ANGPTL2: variants seen among roughly 807,000 people sequenced by gnomAD.
ANGPTL2 encodes angiopoietin like 2, also known as angiopoietin-related protein 2.
In ANGPTL2, 25 loss-of-function variants were observed where a neutral mutation model predicts 52.8. The ratio of observed to expected loss-of-function variants is 0.47; its 90% CI spans 0.35 to 0.66. ANGPTL2 has a LOEUF of 0.66. Ranked by LOEUF, ANGPTL2 falls within the 30% of genes least tolerant of loss-of-function variation. ANGPTL2 has a pLI of 0.01. For missense variants in ANGPTL2, 546 were observed against 656.9 expected (o/e 0.83, Z 1.84); for synonymous variants, 276 against 277.4 (o/e 1.00, Z 0.05).
intron 2 of ANGPTL2, among the ~76,000 whole-genome samples, chr9:127,096,629 C>G (rs1236897419): frequency 6.6e-6 from 1 of 152,196 alleles, no homozygotes; most frequent in African/African-American, 2.4e-5. Flanking sequence ...CCACCAAGGG[C>G]TCTTTTTAAA....
intron 2 of ANGPTL2, among the ~76,000 whole-genome samples, chr9:127,100,590 C>T (rs890486784): frequency 6.6e-6 from 1 of 152,170 alleles, no homozygotes; most frequent in Non-Finnish European, 1.5e-5. Flanking sequence ...GCCAGTTGTA[C>T]CCAAGGCTTC....
At chr9:127,094,889 C>G (rs2052929149) in intron 2 of ANGPTL2, among the ~76,000 whole-genome samples, 1 of 152,186 alleles carries the variant, frequency 6.6e-6, no homozygotes, top group Non-Finnish European at 1.5e-5. Context: ...TTAGCCCTCC[C>G]CACCCCTGCC....
Position 127,107,927 on chromosome 9 carries a change from C to G in ANGPTL2, c.805G>C (p.Asp269His). 1 of 1,531,832 alleles carries G rather than the reference C, an allele frequency of 6.5e-7. No homozygotes were observed. 94.9% of individuals were successfully genotyped at this position (1,531,832 alleles called of 1,614,324 possible). A position where few individuals can be genotyped will look rare whatever the true frequency, so the allele number is the denominator to read the frequency against. ...CAGAAGCACTTACCCGACGGCTTGT[C>G]GGTGGAAGATGGGAGGCTGGTGAGA... ...PTLTSLPSSTDKPSGPWRDCL... is the reference protein window; with the variant it reads ...PTLTSLPSSTHKPSGPWRDCL... The change falls in exon 2 of 5, where the codon GAC (aspartate) becomes CAC (histidine). Residue 269 changes from aspartate to histidine, a missense_variant. Around this residue, in one of 2 missense-constraint regions of ANGPTL2, gnomAD observed 261 missense variants for 361.0 expected, o/e 0.72. Transcript: ENST00000373425.
intron 1 of ANGPTL2, among the ~76,000 whole-genome samples, chr9:127,111,663 C>T (rs910290377): frequency 6.6e-6 from 1 of 152,216 alleles, no homozygotes; most frequent in African/African-American, 2.4e-5. Context: ...CTGGACTAAA[C>T]ATTTTGCAAG....
At chr9:127,092,127 A>G (rs569409295) in intron 3 of ANGPTL2, among the ~76,000 whole-genome samples, 187 bp from the exon 4 acceptor site, 2 of 152,350 alleles carry the variant, frequency 1.3e-5, no homozygotes, top group South Asian at 4.1e-4. Context: ...AAAAATATGT[A>G]GAGTGCCTAC....
intron 2 of ANGPTL2, among the ~76,000 whole-genome samples, chr9:127,104,796 A>T (rs576593270): frequency 3.3e-5 from 5 of 152,368 alleles, no homozygotes; most frequent in African/African-American, 1.2e-4. Context: ...AAAGGTTTGG[A>T]AGCTGCCAAG....
chr9:127,108,814 TC>T, intron 1 of ANGPTL2, 34 bp from the exon 2 acceptor site: 1 of 1,387,942 alleles, frequency 7.2e-7, no homozygotes. Context: ...TCAGTGATGG[TC>T]CCACCACTGT....
intron 1 of ANGPTL2, 77 bp from the exon 2 acceptor site, chr9:127,108,857 T>G (rs974310632): frequency 9.3e-7 from 1 of 1,072,576 alleles, no homozygotes; most frequent in Non-Finnish European, 1.3e-6. Context: ...ATCCCAGCCT[T>G]CTCGCCAGGC....
At chr9:127,116,191 G>C (rs1217051915) in intron 1 of ANGPTL2, among the ~76,000 whole-genome samples, 2 of 152,186 alleles carry the variant, frequency 1.3e-5, no homozygotes, top group African/African-American at 4.8e-5. Flanking sequence ...TTTGCCTGGA[G>C]GAGTAGCACT....
At position 127,108,135 on chromosome 9, in the gene ANGPTL2, C is replaced by T; in HGVS notation, c.597G>A (p.Gln199=). ...LAHNQSEIIA[Q]LEEHCQRVPS... is the part of the protein sequence containing the mutation. ...GCACCCTCTGGCAGTGCTCCTCAAG[C>T]TGCGCGATGATCTCTGATTGGTTGT... Residue 199 remains glutamine (Q), a synonymous_variant, in exon 2 of 5, where the codon CAG becomes CAA. Coordinates refer to ENST00000373425, the MANE Select transcript of ANGPTL2 (RefSeq NM_012098.3). The T allele has an allele frequency of 6.2e-7, 1 of 1,614,000 alleles. No individual in the cohort carries two copies. The highest frequency in any genetic ancestry group is 8.5e-7 in the Non-Finnish European group (1 of 1,179,948).
At chr9:127,108,801 G>GA in intron 1 of ANGPTL2, 21 bp from the exon 2 acceptor site, 2 of 1,463,112 alleles carry the variant, frequency 1.4e-6, no homozygotes, top group Non-Finnish European at 1.8e-6. Flanking sequence ...ACAGAGGGGA[G>GA]AATCAGTGAT....
chr9:127,113,860 T>G (rs2137345951), intron 1 of ANGPTL2, among the ~76,000 whole-genome samples: 1 of 152,270 alleles, frequency 6.6e-6, no homozygotes, highest in Non-Finnish European at 1.5e-5. Flanking sequence ...CCACACATCA[T>G]GTGTCCGCAT....
At chr9:127,102,627 G>C (rs1321113346) in intron 2 of ANGPTL2, among the ~76,000 whole-genome samples, 1 of 152,170 alleles carries the variant, frequency 6.6e-6, no homozygotes, top group Non-Finnish European at 1.5e-5. Flanking sequence ...CTGAGGAATG[G>C]AGGGGTAGCT....
rs1217114367 is a variant in ANGPTL2, at chr9:127,088,067, G to A, written c.*872C>T. 2 of 152,672 alleles carry A rather than the reference G, an allele frequency of 1.3e-5. No homozygotes were observed. Among genetic ancestry groups the A allele is most frequent in the East Asian group, 3.8e-4 (2 of 5,200 alleles). 9.5% of individuals were successfully genotyped at this position (152,672 alleles called of 1,614,324 possible). A position where few individuals can be genotyped will look rare whatever the true frequency, so the allele number is the denominator to read the frequency against. ...GAATCTCGCCTGGAAAGAAGGGGCT[G>A]TGCGACAGAAAAGGCAAGGAGTAGG... On this transcript the variant is annotated 3_prime_UTR_variant, in exon 5 of 5. Transcript: ENST00000373425.
chr9:127,111,382 A>T (rs1313548495), intron 1 of ANGPTL2, among the ~76,000 whole-genome samples: 1 of 152,224 alleles, frequency 6.6e-6, no homozygotes, highest in Non-Finnish European at 1.5e-5. Context: ...GCATGATGGT[A>T]GGGAGGTGTT....
chr9:127,108,453 G>T lies in ANGPTL2; in HGVS notation c.279C>A (p.Asn93Lys). 6.2e-7 allele frequency: 1 copy of T among 1,611,202 alleles called. No homozygotes were observed. The highest frequency in any genetic ancestry group is 2.2e-5 in the East Asian group (1 of 44,758). ...GCCGCTTCTGCTTGAGCAGCTCATT[G>T]TTGAGCAGCTCTAGCTCCTGCTTAT... ...RVHKQELELL[N>K]NELLKQKRQI... Residue 93 changes from asparagine (N) to lysine (K), a missense_variant, in exon 2 of 5, where the codon AAC (asparagine) becomes AAA (lysine). By Grantham distance (94) the Asn-to-Lys change is moderately conservative (BLOSUM62 0). Coordinates refer to ENST00000373425, the MANE Select transcript of ANGPTL2 (RefSeq NM_012098.3).
At chr9:127,118,903 A>G (rs1047425304) in intron 1 of ANGPTL2, among the ~76,000 whole-genome samples, 1 of 152,154 alleles carries the variant, frequency 6.6e-6, no homozygotes, top group African/African-American at 2.4e-5. Flanking sequence ...CATCTCCCTG[A>G]TGTTTTCTCA....
At chr9:127,095,143 A>T (rs1334411597) in intron 2 of ANGPTL2, among the ~76,000 whole-genome samples, 1 of 152,240 alleles carries the variant, frequency 6.6e-6, no homozygotes, top group African/African-American at 2.4e-5. Context: ...TCACGCCTGT[A>T]ATCCCAGCAC....
intron 1 of ANGPTL2, 119 bp from the exon 2 acceptor site, chr9:127,108,899 A>G (rs571989011): frequency 1.7e-5 from 12 of 715,198 alleles, no homozygotes; most frequent in Non-Finnish European, 2.5e-5. Context: ...CTGCTTCAGG[A>G]TGCTGGGTTA....
Sources: allele counts gnomAD v4.1 joint callset (sites outside exome capture counted in the v4.1 genomes callset), GRCh38; gene constraint gnomAD v4.1.1; regional missense constraint gnomAD v4.1.1; transcripts MANE v1.5; gene names NCBI Gene and HGNC (gene_info 2026-07-23, HGNC 2026-07-21).